The following PITPNM3 variants were observed in gnomAD, a reference collection of about 807,000 sequenced individuals.
The protein encoded by PITPNM3 is membrane-associated phosphatidylinositol transfer protein 3.
In PITPNM3, 26 loss-of-function variants were observed where a neutral mutation model predicts 102.0. That is an observed-to-expected ratio of 0.25 (90% CI 0.19 to 0.35). The LOEUF (loss-of-function observed/expected upper bound fraction) is 0.35. Ranked by LOEUF, PITPNM3 falls within the 10% of genes least tolerant of loss-of-function variation. PITPNM3 has a pLI of 1.00. For missense variants in PITPNM3, 1,083 were observed against 1,346.1 expected, an observed-to-expected ratio of 0.80 and a Z score of 3.06; for synonymous variants, 578 against 558.6, an observed-to-expected ratio of 1.03 and a Z score of -0.49.
chr17:6,468,101 T>C lies in PITPNM3; in HGVS notation c.1890+124A>G. The stretch of plus-strand genomic sequence containing the variant: ...ATCTGAGTGTGAGCCCCAGCCTGTT[T>C]GGGTGCTGAGCTCTGAGGACAAATT... On this transcript the variant is annotated intron_variant, in intron 14 of 19. Transcript: ENST00000262483. The surrounding 1 kb of genome is among the most constrained non-coding windows in gnomAD (Gnocchi z 5.2). 1.1e-6 allele frequency: 1 copy of C among 920,358 alleles called. No homozygotes were observed. The allele number at this position is 920,358 out of a possible 1,614,324, so 57.0% of individuals were successfully genotyped here.
intron 3 of PITPNM3, among the ~76,000 whole-genome samples, chr17:6,514,457 T>A (rs1022245889): frequency 8.5e-5 from 13 of 152,184 alleles, no homozygotes; most frequent in African/African-American, 3.1e-4. Context: ...TCAGTAGACA[T>A]TTCCCCAAAG....
At chr17:6,490,639 A>G (rs1353358635) in intron 4 of PITPNM3, among the ~76,000 whole-genome samples, 1 of 151,964 alleles carries the variant, frequency 6.6e-6, no homozygotes, top group Non-Finnish European at 1.5e-5. Context: ...TTAATAAACA[A>G]ACGCTTTGAG....
chr17:6,459,201 T>C lies in PITPNM3; in HGVS notation c.2491-1479A>G, dbSNP rs1312023346. ...TTTCTCTGCTCCTCTCCCTGCTACT[T>C]TTGCCCCCTTGTCCTTCCGAACTGT... On this transcript the variant is annotated intron_variant, in intron 18 of 19. Coordinates refer to ENST00000262483, the MANE Select transcript of PITPNM3 (RefSeq NM_031220.4). The surrounding 1 kb of genome is among the most constrained non-coding windows in gnomAD (Gnocchi z 5.0). Among the ~76,000 whole-genome samples the C allele has an allele frequency of 6.6e-6, 1 of 152,194 alleles. No individual in the cohort carries two copies. Among genetic ancestry groups the C allele is most frequent in the Non-Finnish European group, 1.5e-5 (1 of 68,034 alleles).
At chr17:6,483,301 G>C (rs1905856461) in intron 6 of PITPNM3, among the ~76,000 whole-genome samples, 1 of 152,010 alleles carries the variant, frequency 6.6e-6, no homozygotes, top group Non-Finnish European at 1.5e-5. Flanking sequence ...ACTGGAAGTG[G>C]ATCAAGATTT....
Sources: allele counts gnomAD v4.1 joint callset (sites outside exome capture counted in the v4.1 genomes callset), GRCh38; gene constraint gnomAD v4.1.1; non-coding constraint Gnocchi (gnomAD v3.1); transcripts MANE v1.5; gene names NCBI Gene and HGNC (gene_info 2026-07-23, HGNC 2026-07-21).